RBFOX3: variants seen among roughly 807,000 people sequenced by gnomAD.
RBFOX3 encodes the protein RNA binding protein fox-1 homolog 3.
Under a neutral mutation model 48.7 loss-of-function variants are expected in RBFOX3, and 17 were observed. The ratio of observed to expected loss-of-function variants is 0.35; its 90% confidence interval spans 0.24 to 0.52. RBFOX3 has a LOEUF of 0.52. Among genes scored for constraint, RBFOX3 ranks in the 20% least tolerant of loss-of-function variants. RBFOX3 has a pLI of 0.94. For missense variants in RBFOX3, 382 were observed against 497.5 expected (o/e 0.77, Z 2.21); for synonymous variants, 212 against 209.5 (o/e 1.01, Z -0.10).
At chr17:79,619,577 A>G in the RBFOX3 span, among the ~76,000 whole-genome samples, 1 of 152,040 alleles carries the variant, frequency 6.6e-6, no homozygotes, top group African/African-American at 2.4e-5. Flanking sequence ...ATCTTATCTA[A>G]CTATACCTGC....
At chr17:79,398,064 C>T (rs186915621) in intron 2 of RBFOX3, among the ~76,000 whole-genome samples, 6 of 152,286 alleles carry the variant, frequency 3.9e-5, no homozygotes, top group East Asian at 1.9e-4. Context: ...GGAGCCCGAA[C>T]GAGGCTCTGG....
chr17:79,567,229 G>T (rs2144415273), intron 1 of RBFOX3, among the ~76,000 whole-genome samples: 1 of 141,326 alleles, frequency 7.1e-6, no homozygotes, highest in East Asian at 2.1e-4. Flanking sequence ...TGTCGCCCAG[G>T]CTGGAGTGCA....
chr17:79,140,591 G>A (rs2041725467), intron 4 of RBFOX3, among the ~76,000 whole-genome samples: 1 of 152,264 alleles, frequency 6.6e-6, no homozygotes, highest in South Asian at 2.1e-4. Context: ...GAGAGAGAAG[G>A]ACAACCTACA....
intron 4 of RBFOX3, among the ~76,000 whole-genome samples, chr17:79,125,199 G>A (rs1221358828): frequency 4.6e-5 from 7 of 152,214 alleles, no homozygotes; most frequent in Non-Finnish European, 1.0e-4. Context: ...AGGCAGGTGG[G>A]GCCCTGAGCA....
intron 4 of RBFOX3, among the ~76,000 whole-genome samples, chr17:79,179,011 C>G (rs545341100): frequency 2.6e-5 from 4 of 152,310 alleles, no homozygotes; most frequent in African/African-American, 9.6e-5. Flanking sequence ...CCATGCTGAC[C>G]CGCGAGCCAG....
intron 4 of RBFOX3, among the ~76,000 whole-genome samples, chr17:79,168,681 T>G (rs1221302819): frequency 2.6e-5 from 4 of 152,328 alleles, no homozygotes; most frequent in Non-Finnish European, 4.4e-5. Flanking sequence ...AGTGCCACCT[T>G]GGACAGGCCA....
chr17:79,194,102 CAG>C (rs1261886438), intron 4 of RBFOX3, among the ~76,000 whole-genome samples: 1 of 152,178 alleles, frequency 6.6e-6, no homozygotes, highest in Non-Finnish European at 1.5e-5. Context: ...GGTAAAAAAA[CAG>C]AGATGATTTT....
chr17:79,133,830 G>A (rs2039538085), intron 4 of RBFOX3, among the ~76,000 whole-genome samples: 1 of 152,206 alleles, frequency 6.6e-6, no homozygotes, highest in Non-Finnish European at 1.5e-5. Context: ...CAACAGGTCA[G>A]CTGTCAAGTG....
chr17:79,308,745 C>T (rs1440342308), intron 2 of RBFOX3, among the ~76,000 whole-genome samples: 1 of 151,272 alleles, frequency 6.6e-6, no homozygotes. Flanking sequence ...CACCCACCCA[C>T]CCCCAACCCC....
Position 79,096,849 on chromosome 17 carries a change from A to G in RBFOX3, c.756-16T>C. ...CTCCAGTGCCCTGTTTTGGTATAACAATAGAGTAACACCCTTGCTGATCAG... is the reference window on the plus strand; with the variant it reads ...CTCCAGTGCCCTGTTTTGGTATAACGATAGAGTAACACCCTTGCTGATCAG... On this transcript the variant is annotated splice_polypyrimidine_tract_variant and intron_variant, in intron 11 of 14. Coordinates refer to ENST00000693108, the MANE Select transcript of RBFOX3 (RefSeq NM_001350451.2). The G allele has an allele frequency of 1.4e-6, 1 of 695,580 alleles. No homozygotes were observed. The highest frequency in any genetic ancestry group is 2.5e-6 in the Non-Finnish European group (1 of 392,240). 43.1% of individuals were successfully genotyped at this position (695,580 alleles called of 1,614,324 possible).
intron 2 of RBFOX3, among the ~76,000 whole-genome samples, chr17:79,419,937 G>A (rs2065968945): frequency 6.6e-6 from 1 of 152,108 alleles, no homozygotes. Context: ...GACCAGCTTG[G>A]GCAACACGGT....
In RBFOX3 at chr17:79,311,977, TGAC is replaced by T. The variant is rs1465167158; in HGVS notation, c.-174-4156_-174-4154del. ...CCTGAAAATCCCTCCCCGTCAGAGC[TGAC>T]ATTTCAGGACAGGCATCTGCCCTCT... On this transcript the variant is annotated intron_variant, in intron 2 of 14. Transcript: ENST00000693108. This position sits in a 1 kb window ranked among gnomAD's most constrained non-coding sequence, Gnocchi z 4.2. Among the ~76,000 whole-genome samples the T allele has an allele frequency of 6.6e-6, 1 of 152,174 alleles. No individual in the cohort carries two copies.
intron 2 of RBFOX3, among the ~76,000 whole-genome samples, chr17:79,405,498 A>G (rs918381130): frequency 6.6e-6 from 1 of 152,040 alleles, no homozygotes; most frequent in African/African-American, 2.4e-5. Flanking sequence ...CTTTGGGTAG[A>G]TCACTTGAGG....
chr17:79,123,548 TCA>T lies in RBFOX3; in HGVS notation c.-33-7802_-33-7801del, dbSNP rs1180570297. ...AATCTCCGGCATCCAGAGCAGTGTG[TCA>T]CACACAGAGGGGACACGCTAACAAC... is the stretch of plus-strand genomic sequence containing the variant. On this transcript the variant is annotated intron_variant, in intron 4 of 14. Coordinates refer to ENST00000693108, the MANE Select transcript of RBFOX3 (RefSeq NM_001350451.2). Among the ~76,000 whole-genome samples the T allele has an allele frequency of 2.6e-5, 4 of 151,938 alleles. No homozygotes were observed. In the East Asian group the frequency reaches 7.8e-4, roughly 30 times the overall value.
chr17:79,166,895 G>C (rs923776080), intron 4 of RBFOX3, among the ~76,000 whole-genome samples: 3 of 152,200 alleles, frequency 2.0e-5, no homozygotes, highest in African/African-American at 7.2e-5. Context: ...ACCTGCCAAA[G>C]AGTGAATTTT....
At chr17:79,123,071 T>G (rs1599538561) in intron 4 of RBFOX3, among the ~76,000 whole-genome samples, 1 of 143,012 alleles carries the variant, frequency 7.0e-6, no homozygotes, top group Non-Finnish European at 1.5e-5. Flanking sequence ...ACGAGGGGGG[T>G]GTGGGCTGGG....
At chr17:79,313,613 C>T (rs992739349) in intron 2 of RBFOX3, among the ~76,000 whole-genome samples, 1 of 152,148 alleles carries the variant, frequency 6.6e-6, no homozygotes. Context: ...GGGGCGGGAC[C>T]TCATCTTTTC....
chr17:79,296,822 C>T (rs1045652877), intron 3 of RBFOX3, among the ~76,000 whole-genome samples: 2 of 131,180 alleles, frequency 1.5e-5, no homozygotes, highest in African/African-American at 2.9e-5. Context: ...CACTTCTCCT[C>T]CCCTTCTTCC....
At chr17:79,609,936 G>A (rs1293769308) in intron 1 of RBFOX3, among the ~76,000 whole-genome samples, 2 of 151,906 alleles carry the variant, frequency 1.3e-5, no homozygotes, top group Admixed American at 1.3e-4. Context: ...GGGCCACCAG[G>A]GCAGAAAGTT....
Sources: allele counts gnomAD v4.1 joint callset (sites outside exome capture counted in the v4.1 genomes callset), GRCh38; gene constraint gnomAD v4.1.1; non-coding constraint Gnocchi (gnomAD v3.1); transcripts MANE v1.5; gene names NCBI Gene and HGNC (gene_info 2026-07-23, HGNC 2026-07-21).